EXOC4: variants seen among roughly 807,000 people sequenced by gnomAD.
The protein encoded by EXOC4 is SEC8-like 1.
EXOC4 carries 71 observed loss-of-function variants against 107.2 expected under a neutral mutation model. The ratio of observed to expected loss-of-function variants is 0.66; its 90% CI spans 0.55 to 0.81. The LOEUF (loss-of-function observed/expected upper bound fraction) is 0.81, where lower values mean the gene tolerates loss of function less well. Ranked by LOEUF, EXOC4 falls within the 30% of genes least tolerant of loss-of-function variation. The pLI is 0.00. For synonymous variants in EXOC4, 456 were observed against 441.2 expected, an observed-to-expected ratio of 1.03 and a Z score of -0.42; for missense variants, 1,108 against 1,189.6, an observed-to-expected ratio of 0.93 and a Z score of 1.01.
chr7:133,433,776 A>G (rs1220129545), intron 7 of EXOC4, among the ~76,000 whole-genome samples: 3 of 152,198 alleles, frequency 2.0e-5, no homozygotes, highest in African/African-American at 7.2e-5. Context: ...GTTACTGGCA[A>G]AACTGTTCAG....
chr7:133,522,909 GTTTTTAACTC>G (rs1800006722), intron 9 of EXOC4, among the ~76,000 whole-genome samples: 2 of 152,118 alleles, frequency 1.3e-5, no homozygotes, highest in Non-Finnish European at 2.9e-5. Flanking sequence ...CAACTGGTTT[GTTTTTAACTC>G]TTACCATGTA....
chr7:133,454,731 C>T (rs569351873), intron 7 of EXOC4, among the ~76,000 whole-genome samples: 5 of 152,116 alleles, frequency 3.3e-5, no homozygotes, highest in African/African-American at 4.8e-5. Context: ...CTCCCTTATC[C>T]GTGTGGGATA....
chr7:133,382,545 A>G (rs1445015112), intron 7 of EXOC4, among the ~76,000 whole-genome samples: 2 of 152,160 alleles, frequency 1.3e-5, no homozygotes, highest in African/African-American at 4.8e-5. Flanking sequence ...TACTTGTTGG[A>G]GGAGTGTTCT....
intron 14 of EXOC4, among the ~76,000 whole-genome samples, chr7:133,942,133 G>C (rs1007062941): frequency 6.6e-6 from 1 of 152,088 alleles, no homozygotes; most frequent in East Asian, 1.9e-4. Context: ...TTTGAAGGAG[G>C]CTCAAGGGCT....
chr7:133,305,345 G>A (rs1044159174), intron 3 of EXOC4, among the ~76,000 whole-genome samples: 6 of 152,060 alleles, frequency 3.9e-5, no homozygotes, highest in Admixed American at 2.0e-4. Context: ...TCCATTTGTA[G>A]CATTCATGTA....
intron 7 of EXOC4, among the ~76,000 whole-genome samples, chr7:133,470,053 A>G (rs969280567): frequency 2.0e-5 from 3 of 152,198 alleles, no homozygotes; most frequent in Non-Finnish European, 2.9e-5. Context: ...AGAGTCCACT[A>G]TGTGGTTGGG....
the EXOC4 span, among the ~76,000 whole-genome samples, chr7:134,091,329 A>G: frequency 5.9e-5 from 9 of 152,190 alleles, no homozygotes; most frequent in Admixed American, 5.9e-4. Context: ...TAGACCATAT[A>G]GGGGAACTTC....
intron 9 of EXOC4, among the ~76,000 whole-genome samples, chr7:133,507,262 T>C (rs1200946238): frequency 6.6e-6 from 1 of 152,156 alleles, no homozygotes; most frequent in Non-Finnish European, 1.5e-5. Flanking sequence ...TTTGGTACTC[T>C]AAAAAAATTT....
rs185937080 is a variant in EXOC4 at position 134,033,736 on chromosome 7, C to G, written c.2687+25901C>G. On this transcript the variant is annotated intron_variant, in intron 17 of 17. Transcript: ENST00000253861. Reference sequence around the variant, plus strand: ...TGAAGAAATAGCCTCACCTAAAACACAGCCTCATGAATTTTCAGAATGCCA... The same window carrying G: ...TGAAGAAATAGCCTCACCTAAAACAGAGCCTCATGAATTTTCAGAATGCCA... Among the ~76,000 whole-genome samples the G allele has an allele frequency of 3.8e-3, 580 of 152,282 alleles. 4 individuals are homozygous for G. The highest frequency in any genetic ancestry group is 6.2e-3 in the Non-Finnish European group (423 of 68,018).
chr7:133,713,812 C>G (rs1230239975), intron 10 of EXOC4, among the ~76,000 whole-genome samples: 1 of 152,176 alleles, frequency 6.6e-6, no homozygotes, highest in Middle Eastern at 3.2e-3. Context: ...CCTTCACCTT[C>G]TGCCGTGACT....
chr7:133,549,875 T>C (rs963823171), intron 9 of EXOC4, among the ~76,000 whole-genome samples: 6 of 152,216 alleles, frequency 3.9e-5, no homozygotes, highest in African/African-American at 1.4e-4. Flanking sequence ...CTAATGTGAC[T>C]TTGAAAGTAT....
At chr7:133,553,761 T>C (rs1023150861) in intron 9 of EXOC4, among the ~76,000 whole-genome samples, 2 of 152,184 alleles carry the variant, frequency 1.3e-5, no homozygotes, top group African/African-American at 4.8e-5. Flanking sequence ...TTTGATTTTC[T>C]GTTGTTCCCA....
rs145432794 is a variant in EXOC4, at chr7:133,864,758, T to G, written c.1735-30841T>G. On this transcript the variant is annotated intron_variant, in intron 11 of 17. Transcript: ENST00000253861. ...CATTGTCATGTGCGGTTCATCTGGA[T>G]TTAGCAGTCTTTAATGGTAAGAAGT... 2.6e-3 allele frequency among the ~76,000 whole-genome samples: 397 copies of G among 152,274 alleles called. 1 individual carries two copies. Among genetic ancestry groups the G allele is most frequent in the African/African-American group, 9.2e-3 (384 of 41,540 alleles).
At chr7:133,875,480 T>G (rs944050159) in intron 11 of EXOC4, among the ~76,000 whole-genome samples, 1 of 152,158 alleles carries the variant, frequency 6.6e-6, no homozygotes, top group Admixed American at 6.5e-5. Flanking sequence ...TGAGGAATGT[T>G]GAAAGAGAGA....
At chr7:133,628,497 A>G (rs922574659) in intron 9 of EXOC4, among the ~76,000 whole-genome samples, 1 of 152,202 alleles carries the variant, frequency 6.6e-6, no homozygotes, top group Admixed American at 6.5e-5. Context: ...GTCAGGCGTT[A>G]TATCACTTCC....
At chr7:133,380,915 A>G (rs1327721808) in intron 7 of EXOC4, among the ~76,000 whole-genome samples, 1 of 152,198 alleles carries the variant, frequency 6.6e-6, no homozygotes, top group African/African-American at 2.4e-5. Flanking sequence ...TCTGAGGCCA[A>G]GATATGGCAG....
At chr7:133,380,387 TTAAAG>T (rs1176690655) in intron 7 of EXOC4, among the ~76,000 whole-genome samples, 1 of 152,060 alleles carries the variant, frequency 6.6e-6, no homozygotes, top group Non-Finnish European at 1.5e-5. Flanking sequence ...GTTTACCTAT[TTAAAG>T]TATAGATTTC....
At chr7:133,541,982 A>G (rs1173071014) in intron 9 of EXOC4, among the ~76,000 whole-genome samples, 1 of 152,048 alleles carries the variant, frequency 6.6e-6, no homozygotes, top group Non-Finnish European at 1.5e-5. Flanking sequence ...CGGTAGATTC[A>G]AGGTTCCAGG....
chr7:133,787,335 TTGTGTGTGTG>T (rs757017206), intron 10 of EXOC4, among the ~76,000 whole-genome samples: 117 of 113,918 alleles, frequency 1.0e-3, no homozygotes, highest in African/African-American at 3.4e-3. Flanking sequence ...ATAGGCTAAT[TTGTGTGTGTG>T]TGTGTGTGTG....
Sources: gnomAD v4.1 joint callset for allele counts (sites outside exome capture counted in the v4.1 genomes callset) on GRCh38, gnomAD v4.1.1 for gene constraint, MANE v1.5 for transcripts, NCBI Gene and HGNC (gene_info 2026-07-23, HGNC 2026-07-21) for gene names.